The following GRM5 variants were observed in gnomAD, a reference collection of about 807,000 sequenced individuals.
The protein encoded by GRM5 is glutamate metabotropic receptor 5, also known as metabotropic glutamate receptor 5.
GRM5 carries 19 observed loss-of-function variants against 83.1 expected under a neutral mutation model. The observed-to-expected ratio is 0.23, with a 90% confidence interval of 0.16 to 0.34. The LOEUF is 0.34. GRM5 is among the 10% of genes least tolerant of loss of function. The probability of loss-of-function intolerance (pLI) is 1.00; values close to 1 mark genes in which losing one functional copy is unlikely to be tolerated. For synonymous variants in GRM5, 675 were observed against 633.6 expected, an observed-to-expected ratio of 1.07 and a Z score of -0.98; for missense variants, 1,160 against 1,588.3, an observed-to-expected ratio of 0.73 and a Z score of 4.58.
intron 3 of GRM5, among the ~76,000 whole-genome samples, chr11:88,678,911 TA>T (rs111407452): frequency 4.3e-4 from 63 of 146,014 alleles, no homozygotes; most frequent in Admixed American, 4.8e-4. Flanking sequence ...TTGACTCATT[TA>T]AAAAAAAAAA....
chr11:89,049,323 T>G (rs527915570), intron 1 of GRM5, among the ~76,000 whole-genome samples: 1 of 152,302 alleles, frequency 6.6e-6, no homozygotes, highest in East Asian at 1.9e-4. Flanking sequence ...CCATGGCAAA[T>G]TCTAGCATAA....
chr11:88,772,382 C>T (rs1340185297), intron 3 of GRM5, among the ~76,000 whole-genome samples: 1 of 151,850 alleles, frequency 6.6e-6, no homozygotes, highest in African/African-American at 2.4e-5. Context: ...TTTGAAAACT[C>T]TTTTAAATAT....
chr11:88,725,953 C>T (rs1941670536), intron 3 of GRM5, among the ~76,000 whole-genome samples: 2 of 152,118 alleles, frequency 1.3e-5, no homozygotes, highest in Non-Finnish European at 2.9e-5. Flanking sequence ...AAAGGTTGAA[C>T]ATTCCAAGAA....
intron 2 of GRM5, among the ~76,000 whole-genome samples, chr11:88,960,730 A>T (rs1183267409): frequency 6.6e-6 from 1 of 152,188 alleles, no homozygotes. Context: ...CTGGTGACCT[A>T]GTAGAGTTAG....
intron 8 of GRM5, among the ~76,000 whole-genome samples, chr11:88,532,673 A>C (rs576453863): frequency 2.0e-5 from 3 of 152,202 alleles, no homozygotes; most frequent in African/African-American, 7.2e-5. Context: ...GGGATGATCA[A>C]ATCTCCAATG....
chr11:89,059,324 C>T (rs1305821014), intron 1 of GRM5, among the ~76,000 whole-genome samples: 8 of 152,184 alleles, frequency 5.3e-5, no homozygotes, highest in East Asian at 3.9e-4. Flanking sequence ...ATAGCAATTA[C>T]GTATTATTTT....
chr11:88,658,121 G>C (rs1939812043), intron 3 of GRM5, among the ~76,000 whole-genome samples: 1 of 152,076 alleles, frequency 6.6e-6, no homozygotes, highest in Non-Finnish European at 1.5e-5. Flanking sequence ...ATCTAATGCA[G>C]AGGCATTAGA....
chr11:88,595,844 C>T lies in GRM5; in HGVS notation c.1563+1340G>A, dbSNP rs569977070. On this transcript the variant is annotated intron_variant, in intron 6 of 9. Coordinates refer to ENST00000305447, the MANE Select transcript of GRM5 (RefSeq NM_001143831.3). Reference sequence around the variant, plus strand: ...TGCTGCTCAGCCTCTACCTTTTCTTCCTTTTTTGTACTTTGAAAGCAGAAA... The same window carrying T: ...TGCTGCTCAGCCTCTACCTTTTCTTTCTTTTTTGTACTTTGAAAGCAGAAA... Among the ~76,000 whole-genome samples the T allele has an allele frequency of 1.3e-3, 196 of 152,220 alleles. 1 individual carries two copies. Among genetic ancestry groups the T allele is most frequent in the African/African-American group, 4.7e-3 (194 of 41,544 alleles).
intron 3 of GRM5, among the ~76,000 whole-genome samples, chr11:88,760,348 T>C (rs1300072716): frequency 6.6e-6 from 1 of 151,564 alleles, no homozygotes; most frequent in Non-Finnish European, 1.5e-5. Context: ...AAGATCTAAA[T>C]AAATAAAATT....
rs2135064744 is a variant in GRM5 at position 88,505,570 on chromosome 11, G to A, written c.*3022C>T. The A allele has an allele frequency of 6.6e-6, 1 of 152,170 alleles. No individual in the cohort carries two copies. The highest frequency in any genetic ancestry group is 2.4e-5 in the African/African-American group (1 of 41,506). 9.4% of individuals were successfully genotyped at this position (152,170 alleles called of 1,614,324 possible). On this transcript the variant is annotated 3_prime_UTR_variant, in exon 10 of 10. Coordinates refer to ENST00000305447, the MANE Select transcript of GRM5 (RefSeq NM_001143831.3). ...ATTTTTCTTTCCATACTCCCTTTCT[G>A]TTCCCCATCCCTAGCCCAGAAAGAC...
At chr11:88,751,020 A>G (rs1942257500) in intron 3 of GRM5, among the ~76,000 whole-genome samples, 1 of 149,814 alleles carries the variant, frequency 6.7e-6, no homozygotes, top group South Asian at 2.1e-4. Context: ...ACAAGAGGAA[A>G]GAAACAGAAC....
chr11:88,761,708 A>C (rs2201930), intron 3 of GRM5, among the ~76,000 whole-genome samples: 75,276 of 151,848 alleles, frequency 0.5, 22,570 homozygotes, highest in Non-Finnish European at 0.7. Context: ...ACTATTTTAA[A>C]ATTCATCTGG....
intron 3 of GRM5, among the ~76,000 whole-genome samples, chr11:88,800,123 C>T (rs780936175): frequency 1.4e-4 from 21 of 152,086 alleles, no homozygotes; most frequent in African/African-American, 3.6e-4. Context: ...AACAAAACCT[C>T]GGGGCTGGCA....
At chr11:88,919,771 G>A (rs1945657247) in intron 2 of GRM5, among the ~76,000 whole-genome samples, 1 of 151,754 alleles carries the variant, frequency 6.6e-6, no homozygotes, top group African/African-American at 2.4e-5. Flanking sequence ...AAAAACACGT[G>A]GAAATTAAAC....
In GRM5 at chr11:88,506,945, A is replaced by G. The variant is rs1354101800; in HGVS notation, c.*1647T>C. ...TTCTGCCTCACAGCACATATTTTTC[A>G]TAAGGCTATCTTAAGTATAAGGCTG... On this transcript the variant is annotated 3_prime_UTR_variant, in exon 10 of 10. Transcript: ENST00000305447. 1 of 152,134 alleles carries G rather than the reference A, an allele frequency of 6.6e-6. No homozygotes were observed. Among genetic ancestry groups the G allele is most frequent in the East Asian group, 1.9e-4 (1 of 5,204 alleles). The allele number at this position is 152,134 out of a possible 1,614,324, so 9.4% of individuals were successfully genotyped here. A position where few individuals can be genotyped will look rare whatever the true frequency, so the allele number is the denominator to read the frequency against.
chr11:88,708,853 GA>G (rs998446946), intron 3 of GRM5, among the ~76,000 whole-genome samples: 3 of 151,890 alleles, frequency 2.0e-5, no homozygotes, highest in Non-Finnish European at 4.4e-5. Context: ...TTGCTAATTG[GA>G]AAAAAATTCC....
At chr11:88,676,328 A>G (rs1043260399) in intron 3 of GRM5, among the ~76,000 whole-genome samples, 1 of 151,970 alleles carries the variant, frequency 6.6e-6, no homozygotes, top group Non-Finnish European at 1.5e-5. Flanking sequence ...AAAGGTAACA[A>G]ATATTTATTA....
chr11:88,861,709 C>T (rs1341797996), intron 2 of GRM5, among the ~76,000 whole-genome samples: 2 of 151,944 alleles, frequency 1.3e-5, no homozygotes, highest in African/African-American at 4.8e-5. Context: ...TCAAGCAATC[C>T]CAGGAGGCTT....
intron 2 of GRM5, among the ~76,000 whole-genome samples, chr11:88,955,464 A>T (rs1038441527): frequency 6.6e-6 from 1 of 152,246 alleles, no homozygotes; most frequent in African/African-American, 2.4e-5. Context: ...AGGCACAGAT[A>T]ATAAAACTCA....
Sources: allele counts gnomAD v4.1 joint callset (sites outside exome capture counted in the v4.1 genomes callset), GRCh38; gene constraint gnomAD v4.1.1; transcripts MANE v1.5; gene names NCBI Gene and HGNC (gene_info 2026-07-23, HGNC 2026-07-21).